FFAR4: variants seen among roughly 807,000 people sequenced by gnomAD.
FFAR4 encodes G-protein coupled receptor 120.
FFAR4 carries 19 observed loss-of-function variants against 27.0 expected under a neutral mutation model. The ratio of observed to expected loss-of-function variants is 0.70; its 90% CI spans 0.49 to 1.03. The LOEUF (loss-of-function observed/expected upper bound fraction) is 1.03. Ranked by LOEUF, FFAR4 falls within the 50% of genes least tolerant of loss-of-function variation. FFAR4 has a pLI of 0.00. For synonymous variants in FFAR4, 254 were observed against 215.6 expected (o/e 1.18, Z -1.56); for missense variants, 476 against 479.0 (o/e 0.99, Z 0.06).
rs776988514 is a variant in FFAR4, at chr10:93,587,593, C to T, written c.1070C>T (p.Ser357Leu). 3.7e-6 allele frequency: 6 copies of T among 1,611,776 alleles called. No individual in the cohort carries two copies. Among genetic ancestry groups the T allele is most frequent in the East Asian group, 2.2e-5 (1 of 44,880 alleles). Residue 357 changes from serine to leucine, a missense_variant, in exon 3 of 3, where the codon TCG (serine) becomes TTG (leucine). Transcript: ENST00000371481. ...TDTSVKRNDL[S>L]IISG ...ACATCTGTCAAAAGAAATGACTTGT[C>T]GATTATTTCTGGCTAATTTTTCTTT...
chr10:93,587,331 A>G lies in FFAR4; in HGVS notation c.808A>G (p.Met270Val). ...FRLFRTLFLL[M>V]VSFFIMWSPI... ...GCTCTTCCGCACCCTCTTCCTCCTC[A>G]TGGTCTCCTTCTTCATCATGTGGAG... Residue 270 changes from methionine to valine, a missense_variant, in exon 3 of 3, where the codon ATG (methionine) becomes GTG (valine). Coordinates refer to ENST00000371481, the MANE Select transcript of FFAR4 (RefSeq NM_001195755.2). 1 of 1,613,914 alleles carries G rather than the reference A, an allele frequency of 6.2e-7. No homozygotes were observed. Among genetic ancestry groups the G allele is most frequent in the Non-Finnish European group, 8.5e-7 (1 of 1,179,976 alleles).
intron 2 of FFAR4, among the ~76,000 whole-genome samples, chr10:93,584,380 C>G (rs2058215678): frequency 6.6e-6 from 1 of 152,146 alleles, no homozygotes; most frequent in Non-Finnish European, 1.5e-5. Context: ...GGGCTCTGAC[C>G]CTGTATTATC....
intron 2 of FFAR4, among the ~76,000 whole-genome samples, chr10:93,578,937 C>T (rs1241764599): frequency 1.3e-5 from 2 of 152,178 alleles, no homozygotes; most frequent in African/African-American, 2.4e-5. Context: ...CTGGTCTGCC[C>T]CTTTTCACTC....
In FFAR4 at chr10:93,588,798, G is replaced by A. The variant is rs12355875; in HGVS notation, c.*1189G>A. On this transcript the variant is annotated 3_prime_UTR_variant, in exon 3 of 3. Transcript: ENST00000371481. ...ATGCCTTGGCTCAAGCAATCCTCCC[G>A]CCTCAGCCTCCCAAGTAGCTGGGAT... The A allele has an allele frequency of 0.061, 9,221 of 152,274 alleles. 410 individuals are homozygous for A. Among genetic ancestry groups the A allele is most frequent in the Non-Finnish European group, 0.09 (6,098 of 68,048 alleles). The allele number at this position is 152,274 out of a possible 1,614,324, so 9.4% of individuals were successfully genotyped here.
At chr10:93,572,441 G>T (rs114850635) in intron 1 of FFAR4, among the ~76,000 whole-genome samples, 2,770 of 152,162 alleles carry the variant, frequency 0.018, 104 homozygotes, top group African/African-American at 0.063. Context: ...AGGTTCAGTG[G>T]GGGCAAAAGA....
At position 93,587,888 on chromosome 10, in the gene FFAR4, C is replaced by T. The variant is rs1009805726; in HGVS notation, c.*279C>T. Reference sequence around the variant, plus strand: ...ATCACCTGAGGTCAGGAGTTCGAGACCAACCTGACCAACATGGTGAGACCC... The same window carrying T: ...ATCACCTGAGGTCAGGAGTTCGAGATCAACCTGACCAACATGGTGAGACCC... On this transcript the variant is annotated 3_prime_UTR_variant, in exon 3 of 3. Transcript: ENST00000371481. The T allele has an allele frequency of 3.5e-6, 1 of 287,410 alleles. No individual in the cohort carries two copies. Among genetic ancestry groups the T allele is most frequent in the African/African-American group, 2.2e-5 (1 of 46,220 alleles). The allele number at this position is 287,410 out of a possible 1,614,324, so 17.8% of individuals were successfully genotyped here. A position where few individuals can be genotyped will look rare whatever the true frequency, so the allele number is the denominator to read the frequency against.
intron 1 of FFAR4, among the ~76,000 whole-genome samples, chr10:93,572,760 C>T (rs12219199): frequency 0.1 from 15,315 of 152,070 alleles, 1,206 homozygotes; most frequent in East Asian, 0.33. Context: ...AAGCTTAATG[C>T]GCCTATGAGG....
chr10:93,579,184 G>C (rs756887061), intron 2 of FFAR4: 1 of 1,613,994 alleles, frequency 6.2e-7, no homozygotes, highest in Non-Finnish European at 8.5e-7. Flanking sequence ...CTGGATGCAA[G>C]AGCTGTCGTG....
chr10:93,571,362 T>C (rs1259154773), intron 1 of FFAR4, among the ~76,000 whole-genome samples: 1 of 152,214 alleles, frequency 6.6e-6, no homozygotes, highest in Non-Finnish European at 1.5e-5. Context: ...CTCCTTCTCT[T>C]CAAGGAGAAG....
At position 93,587,477 on chromosome 10, in the gene FFAR4, C is replaced by T; in HGVS notation, c.954C>T (p.Pro318=). Residue 318 remains proline (P), a synonymous_variant, in exon 3 of 3, where the codon CCC becomes CCT. Transcript: ENST00000371481. The stretch of plus-strand genomic sequence containing the variant: ...CATTTGCTAATTCAGCCCTAAACCC[C>T]ATCCTCTACAACATGACACTGTGCA... ...AFTFANSALN[P]ILYNMTLCRN... 6.2e-7 allele frequency: 1 copy of T among 1,614,156 alleles called. No homozygotes were observed. Among genetic ancestry groups the T allele is most frequent in the Non-Finnish European group, 8.5e-7 (1 of 1,180,034 alleles).
chr10:93,570,749 TG>T (rs1221903042), intron 1 of FFAR4, among the ~76,000 whole-genome samples: 4 of 152,182 alleles, frequency 2.6e-5, no homozygotes, highest in African/African-American at 9.7e-5. Context: ...AAAACTTCAC[TG>T]AAGAGAAGAT....
chr10:93,585,328 G>A (rs1031804110), intron 2 of FFAR4, among the ~76,000 whole-genome samples: 2 of 152,192 alleles, frequency 1.3e-5, no homozygotes, highest in Non-Finnish European at 2.9e-5. Context: ...GCAAGGATAC[G>A]CATGAGGAGG....
chr10:93,568,535 T>C (rs1412887921), intron 1 of FFAR4, among the ~76,000 whole-genome samples: 2 of 149,880 alleles, frequency 1.3e-5, no homozygotes, highest in Admixed American at 6.7e-5. Context: ...GAGAGGGGAG[T>C]AGGGAGGGAG....
intron 2 of FFAR4, among the ~76,000 whole-genome samples, chr10:93,581,867 T>C (rs1332501962): frequency 2.0e-5 from 3 of 152,030 alleles, no homozygotes; most frequent in African/African-American, 7.2e-5. Context: ...GTGCTGTGCC[T>C]CACCGGAGAA....
At chr10:93,567,356 C>A in intron 1 of FFAR4, 69 bp downstream of exon 1, 1 of 1,379,514 alleles carries the variant, frequency 7.2e-7, no homozygotes, top group Non-Finnish European at 9.9e-7. Context: ...CCGACGGAAG[C>A]TGGGATGAGG....
intron 1 of FFAR4, among the ~76,000 whole-genome samples, chr10:93,572,549 TG>T (rs951927085): frequency 6.6e-6 from 1 of 152,012 alleles, no homozygotes; most frequent in African/African-American, 2.4e-5. Flanking sequence ...TGGTAAGGGT[TG>T]GGGGTAGGCC....
chr10:93,567,310 C>T (rs1334899082), intron 1 of FFAR4, 23 bp downstream of exon 1: 3 of 1,589,598 alleles, frequency 1.9e-6, no homozygotes, highest in Admixed American at 1.7e-5. Context: ...CTGTGTGTGC[C>T]GGGCAGGTGT....
intron 2 of FFAR4, 98 bp from the exon 3 acceptor site, chr10:93,587,122 C>G (rs11187538): frequency 0.34 from 367,201 of 1,085,860 alleles, 65,033 homozygotes; most frequent in African/African-American, 0.46. Context: ...AGCTTCAGTG[C>G]CTTGGGGATA....
rs2058242028 is a variant in FFAR4, at chr10:93,588,304, G to A, written c.*695G>A. On this transcript the variant is annotated 3_prime_UTR_variant, in exon 3 of 3. Coordinates refer to ENST00000371481, the MANE Select transcript of FFAR4 (RefSeq NM_001195755.2). ...TCCTCTGAAGGGTCACAGCCACCCT[G>A]TGCCCTACCTTGGACTCGCAAGGGT... The A allele has an allele frequency of 6.6e-6, 1 of 152,064 alleles. No homozygotes were observed. Among genetic ancestry groups the A allele is most frequent in the African/African-American group, 2.4e-5 (1 of 41,412 alleles). The allele number at this position is 152,064 out of a possible 1,614,324, so 9.4% of individuals were successfully genotyped here.
Sources: gnomAD v4.1 joint callset for allele counts (sites outside exome capture counted in the v4.1 genomes callset) on GRCh38, gnomAD v4.1.1 for gene constraint, MANE v1.5 for transcripts, NCBI Gene and HGNC (gene_info 2026-07-23, HGNC 2026-07-21) for gene names.